Variants in PKIG observed in about 807,000 individuals in gnomAD.
The protein encoded by PKIG is protein kinase (cAMP-dependent, catalytic) inhibitor gamma.
A neutral mutation model predicts 6.8 loss-of-function variants in PKIG; 1 was observed. That is an observed-to-expected ratio of 0.15 (90% CI 0.05 to 0.69). The LOEUF is 0.69. Among genes scored for constraint, PKIG ranks in the 30% least tolerant of loss-of-function variants. The pLI is 0.82. For synonymous variants in PKIG, 39 were observed against 43.0 expected (o/e 0.91, Z 0.36); for missense variants, 77 against 104.0 (o/e 0.74, Z 1.13).
chr20:44,555,175 CGTCA>C (rs1172020797), intron 1 of PKIG, among the ~76,000 whole-genome samples: 1 of 152,024 alleles, frequency 6.6e-6, no homozygotes, highest in African/African-American at 2.4e-5. Flanking sequence ...ATAGAATTAT[CGTCA>C]GTATTAGAAA....
intron 1 of PKIG, among the ~76,000 whole-genome samples, chr20:44,560,705 G>A (rs1442370982): frequency 6.6e-6 from 1 of 152,172 alleles, no homozygotes; most frequent in Non-Finnish European, 1.5e-5. Flanking sequence ...CAATAGCCTT[G>A]CCACCAAGCT....
At chr20:44,552,491 C>T (rs2064677920) in intron 1 of PKIG, among the ~76,000 whole-genome samples, 1 of 151,970 alleles carries the variant, frequency 6.6e-6, no homozygotes, top group Non-Finnish European at 1.5e-5. Context: ...AGCTTGTATC[C>T]CCTGCAGTAC....
intron 2 of PKIG, among the ~76,000 whole-genome samples, chr20:44,607,276 G>T (rs1238397889): frequency 1.3e-5 from 2 of 151,516 alleles, no homozygotes; most frequent in African/African-American, 4.9e-5. Context: ...TGTAATCAGT[G>T]CTGCAGTGGC....
chr20:44,551,245 G>A (rs111934646), intron 1 of PKIG, among the ~76,000 whole-genome samples: 10,932 of 152,092 alleles, frequency 0.072, 434 homozygotes, highest in South Asian at 0.15. Context: ...TAGTAGAGAC[G>A]GGGTTTCACC....
chr20:44,610,102 A>G (rs1384358803), intron 2 of PKIG, among the ~76,000 whole-genome samples: 1 of 152,188 alleles, frequency 6.6e-6, no homozygotes, highest in African/African-American at 2.4e-5. Flanking sequence ...TCTTTTAGCC[A>G]AGGAGGAGCC....
chr20:44,543,293 T>TA (rs2064579134), intron 1 of PKIG, among the ~76,000 whole-genome samples: 2 of 152,132 alleles, frequency 1.3e-5, no homozygotes, highest in Non-Finnish European at 2.9e-5. Context: ...AAGCCTTTGA[T>TA]ACGTGCACAC....
intron 2 of PKIG, among the ~76,000 whole-genome samples, chr20:44,603,542 TC>T (rs1318508240): frequency 1.3e-5 from 2 of 152,010 alleles, no homozygotes; most frequent in East Asian, 3.9e-4. Context: ...CATCAGGGAC[TC>T]CCAAGGGGGC....
intron 1 of PKIG, among the ~76,000 whole-genome samples, chr20:44,588,434 T>G (rs244105): frequency 0.24 from 36,580 of 151,652 alleles, 5,927 homozygotes; most frequent in African/African-American, 0.46. Context: ...CTGAGGTCAG[T>G]ATTTCAAGAT....
chr20:44,599,775 T>TC (rs1454356137), intron 2 of PKIG, among the ~76,000 whole-genome samples: 1 of 152,078 alleles, frequency 6.6e-6, no homozygotes, highest in Non-Finnish European at 1.5e-5. Context: ...CTCCAATTAA[T>TC]CCCCACAGCC....
At position 44,558,520 on chromosome 20, in the gene PKIG, C is replaced by A. The variant is rs6017363; in HGVS notation, c.-240-24065C>A. ...TGGACTATTCCCTTCTATTCCATTC[C>A]TACTGCCAACACTCCAGTCCAACCT... On this transcript the variant is annotated intron_variant, in intron 1 of 4. Coordinates refer to the PKIG transcript ENST00000372887. Among the ~76,000 whole-genome samples, 1,008 of 152,148 alleles carry A rather than the reference C, an allele frequency of 6.6e-3. 13 individuals carry two copies. The highest frequency in any genetic ancestry group is 0.027 in the East Asian group (140 of 5,170).
intron 1 of PKIG, among the ~76,000 whole-genome samples, chr20:44,568,058 A>T (rs957849211): frequency 6.6e-6 from 1 of 152,110 alleles, no homozygotes; most frequent in African/African-American, 2.4e-5. Context: ...AAGTGGGAGG[A>T]TCACCTGAGT....
chr20:44,588,266 AT>A (rs2065006335), intron 1 of PKIG, among the ~76,000 whole-genome samples: 1 of 152,204 alleles, frequency 6.6e-6, no homozygotes, highest in Admixed American at 6.5e-5. Flanking sequence ...ACAAGCACAA[AT>A]GGTGGCGTTA....
intron 1 of PKIG, among the ~76,000 whole-genome samples, chr20:44,570,991 T>C (rs1467679022): frequency 6.6e-6 from 1 of 152,150 alleles, no homozygotes; most frequent in African/African-American, 2.4e-5. Flanking sequence ...TCCAGCACTT[T>C]GGGAGGCCGA....
rs45560335 is a variant in PKIG at position 44,618,846 on chromosome 20, A to T, written c.*482A>T. On this transcript the variant is annotated 3_prime_UTR_variant, in exon 4 of 4. Transcript: ENST00000372886. ...TTTTCAGCAGATATGGAGAGAGCTG[A>T]CAATCAATTCACATTTTTTAAGCCA... 6.8e-3 allele frequency: 1,069 copies of T among 158,354 alleles called. 7 individuals carry two copies. The highest frequency in any genetic ancestry group is 0.01 in the Middle Eastern group (3 of 298). 9.8% of individuals were successfully genotyped at this position (158,354 alleles called of 1,614,324 possible).
intron 1 of PKIG, among the ~76,000 whole-genome samples, chr20:44,556,953 C>A (rs1217103161): frequency 6.6e-6 from 1 of 152,100 alleles, no homozygotes; most frequent in Non-Finnish European, 1.5e-5. Context: ...ATTATTCAAG[C>A]CTTCCAGGAT....
intron 2 of PKIG, among the ~76,000 whole-genome samples, chr20:44,609,445 C>T (rs1427890554): frequency 6.6e-6 from 1 of 152,216 alleles, no homozygotes; most frequent in Non-Finnish European, 1.5e-5. Context: ...CACGGAGGCC[C>T]TTCTCAACAG....
intron 2 of PKIG, among the ~76,000 whole-genome samples, chr20:44,607,345 A>ATGTG (rs1169280988): frequency 3.7e-5 from 5 of 136,428 alleles, no homozygotes; most frequent in African/African-American, 1.4e-4. Flanking sequence ...GTGTGTGTAT[A>ATGTG]TGTGTGTGTG....
At chr20:44,557,474 C>T (rs368840163) in intron 1 of PKIG, among the ~76,000 whole-genome samples, 91 of 140,672 alleles carry the variant, frequency 6.5e-4, no homozygotes, top group African/African-American at 2.3e-3. Context: ...TGCTGTGAGC[C>T]GAGATCGCAC....
At chr20:44,604,860 A>G (rs1277254708) in intron 2 of PKIG, among the ~76,000 whole-genome samples, 1 of 152,214 alleles carries the variant, frequency 6.6e-6, no homozygotes, top group Non-Finnish European at 1.5e-5. Context: ...AAGACTCAAT[A>G]TCATAAAAAT....
Sources: allele counts gnomAD v4.1 joint callset (sites outside exome capture counted in the v4.1 genomes callset), GRCh38; gene constraint gnomAD v4.1.1; transcripts MANE v1.5; gene names NCBI Gene and HGNC (gene_info 2026-07-23, HGNC 2026-07-21).